The following NTNG1 variants were observed in gnomAD, a reference collection of about 807,000 sequenced individuals.
NTNG1 encodes netrin G1, also known as netrin-G1.
In NTNG1, 16 loss-of-function variants were observed where a neutral mutation model predicts 54.0. The observed-to-expected ratio is 0.30, with a 90% confidence interval of 0.20 to 0.45. The LOEUF (loss-of-function observed/expected upper bound fraction) is 0.45. NTNG1 is among the 20% of genes least tolerant of loss of function. NTNG1 has a pLI of 1.00. For synonymous variants in NTNG1, 255 were observed against 263.1 expected (o/e 0.97, Z 0.30); for missense variants, 530 against 678.7 (o/e 0.78, Z 2.43).
At chr1:107,223,158 A>C (rs1302543232) in intron 2 of NTNG1, among the ~76,000 whole-genome samples, 1 of 152,096 alleles carries the variant, frequency 6.6e-6, no homozygotes, top group Non-Finnish European at 1.5e-5. Flanking sequence ...ACTTTGAACA[A>C]ACTATTTATT....
intron 2 of NTNG1, among the ~76,000 whole-genome samples, chr1:107,213,462 G>A (rs905771945): frequency 6.6e-5 from 10 of 152,102 alleles, no homozygotes; most frequent in East Asian, 1.9e-4. Context: ...AGGCTGCTCC[G>A]CAAGCCTTAG....
chr1:107,281,369 A>G (rs1386683604), intron 2 of NTNG1, among the ~76,000 whole-genome samples: 1 of 152,034 alleles, frequency 6.6e-6, no homozygotes, highest in Non-Finnish European at 1.5e-5. Context: ...TTTTTCAGAA[A>G]AATAATATGA....
chr1:107,150,468 G>C (rs953969818), intron 2 of NTNG1, among the ~76,000 whole-genome samples: 1 of 152,160 alleles, frequency 6.6e-6, no homozygotes, highest in African/African-American at 2.4e-5. Context: ...AGCAGAGGAT[G>C]AGTTCCAGGC....
chr1:107,337,807 C>T (rs148589016), intron 3 of NTNG1, among the ~76,000 whole-genome samples: 226 of 151,996 alleles, frequency 1.5e-3, no homozygotes, highest in African/African-American at 4.9e-3. Flanking sequence ...CAACAGGTTT[C>T]GAAGTTTGTA....
intron 2 of NTNG1, among the ~76,000 whole-genome samples, chr1:107,219,492 G>T (rs1343602949): frequency 1.3e-5 from 2 of 152,262 alleles, no homozygotes; most frequent in African/African-American, 4.8e-5. Flanking sequence ...AAAGAATCTT[G>T]TTTTGTCATG....
At chr1:107,443,332 C>T (rs1433192178) in intron 7 of NTNG1, among the ~76,000 whole-genome samples, 1 of 152,108 alleles carries the variant, frequency 6.6e-6, no homozygotes, top group African/African-American at 2.4e-5. Flanking sequence ...TAAATAACTC[C>T]TTTTATTCTA....
chr1:107,261,868 C>T (rs1288538838), intron 2 of NTNG1, among the ~76,000 whole-genome samples: 1 of 151,996 alleles, frequency 6.6e-6, no homozygotes, highest in African/African-American at 2.4e-5. Context: ...ACAAAAAAAA[C>T]GATAACAACT....
At position 107,413,152 on chromosome 1, in the gene NTNG1, GTTCATTTTTTTT is replaced by G. The variant is rs1673947076; in HGVS notation, c.1087+5460_1087+5471del. Reference sequence around the variant, plus strand: ...TCTTTTCTGTTTTTTGTTTTGTTTTGTTCATTTTTTTTTTCATTTTTTTTTTCTGAGATGGAG... The same window carrying G: ...TCTTTTCTGTTTTTTGTTTTGTTTTGTTCATTTTTTTTTTCTGAGATGGAG... On this transcript the variant is annotated intron_variant, in intron 5 of 7. Transcript: ENST00000370068. Among the ~76,000 whole-genome samples, 3 of 97,162 alleles carry G rather than the reference GTTCATTTTTTTT, an allele frequency of 3.1e-5. No individual in the cohort carries two copies. The Admixed American group carries it at 4.5e-4, about 15-fold the overall frequency. The allele number at this position is 97,162 out of a possible 152,430, so 63.7% of individuals were successfully genotyped here. A position where few individuals can be genotyped will look rare whatever the true frequency, so the allele number is the denominator to read the frequency against.
chr1:107,203,512 T>C (rs1160665731), intron 2 of NTNG1, among the ~76,000 whole-genome samples: 19 of 151,452 alleles, frequency 1.3e-4, no homozygotes, highest in Admixed American at 1.1e-3. Flanking sequence ...GGGAAGTTTA[T>C]ATATATGAAT....
chr1:107,171,886 A>AT (rs906265813), intron 2 of NTNG1, among the ~76,000 whole-genome samples: 41 of 67,706 alleles, frequency 6.1e-4, no homozygotes, highest in African/African-American at 1.6e-3. Context: ...AACAGCCTGG[A>AT]TTTTTTCCCC....
In NTNG1 at chr1:107,359,819, GA is replaced by G. The variant is rs80162142; in HGVS notation, c.887+34905del. Among the ~76,000 whole-genome samples the G allele has an allele frequency of 4.0e-5, 6 of 151,418 alleles. No individual in the cohort carries two copies. In the South Asian group the frequency reaches 8.4e-4, roughly 21 times the overall value. On this transcript the variant is annotated intron_variant, in intron 3 of 7. Coordinates refer to ENST00000370068, the MANE Select transcript of NTNG1 (RefSeq NM_001113226.3). ...GAAAAAATACTAAGTGTGATAAGAT[GA>G]AAAAAAAGGAAAAGAGAGAAGTGGA...
intron 2 of NTNG1, among the ~76,000 whole-genome samples, chr1:107,288,766 G>A (rs952676286): frequency 6.6e-6 from 1 of 152,096 alleles, no homozygotes; most frequent in Admixed American, 6.6e-5. Context: ...GTCAAGAAAT[G>A]TTTATATTTT....
intron 3 of NTNG1, among the ~76,000 whole-genome samples, chr1:107,343,866 G>A (rs1332659107): frequency 6.6e-6 from 1 of 152,132 alleles, no homozygotes; most frequent in Non-Finnish European, 1.5e-5. Flanking sequence ...AGTTTCCAAA[G>A]GGGGCTGCTG....
chr1:107,312,781 A>G (rs556080208), intron 2 of NTNG1, among the ~76,000 whole-genome samples: 1 of 152,150 alleles, frequency 6.6e-6, no homozygotes, highest in Non-Finnish European at 1.5e-5. Context: ...ATAGTAATAT[A>G]CTACTGCTTG....
At chr1:107,290,254 AATTCATTGAG>A (rs1665495400) in intron 2 of NTNG1, among the ~76,000 whole-genome samples, 1 of 152,194 alleles carries the variant, frequency 6.6e-6, no homozygotes, top group African/African-American at 2.4e-5. Flanking sequence ...ATTATCTCAC[AATTCATTGAG>A]TGTTTTAACT....
chr1:107,318,999 T>G (rs1182133803), intron 2 of NTNG1, among the ~76,000 whole-genome samples: 1 of 152,142 alleles, frequency 6.6e-6, no homozygotes, highest in Non-Finnish European at 1.5e-5. Context: ...ATGTTTGTGG[T>G]GCTGATCTTT....
At position 107,324,882 on chromosome 1, in the gene NTNG1, C is replaced by A; in HGVS notation, c.847C>A (p.Arg283Ser). ...ATTTGTAGATGAGCTACACTTGGCA[C>A]GCTACTTTTACGCGATCTCAGACAT... ...EIFVDELHLA[R>S]YFYAISDIKV... The change falls in exon 3 of 8, where the codon CGC becomes AGC. Residue 283 changes from arginine (R) to serine (S), a missense_variant. Around this residue, in one of 2 missense-constraint regions of NTNG1, gnomAD observed 318 missense variants for 465.1 expected, o/e 0.68. Coordinates refer to ENST00000370068, the MANE Select transcript of NTNG1 (RefSeq NM_001113226.3). 1 of 1,612,946 alleles carries A rather than the reference C, an allele frequency of 6.2e-7. No homozygotes were observed. Among genetic ancestry groups the A allele is most frequent in the Non-Finnish European group, 8.5e-7 (1 of 1,179,346 alleles).
intron 2 of NTNG1, among the ~76,000 whole-genome samples, chr1:107,152,285 A>G (rs571581343): frequency 2.2e-4 from 34 of 152,282 alleles, no homozygotes; most frequent in African/African-American, 6.7e-4. Flanking sequence ...TTTCAGCCAC[A>G]TTGAAAGCTT....
At chr1:107,251,485 C>A (rs1662603294) in intron 2 of NTNG1, among the ~76,000 whole-genome samples, 1 of 152,126 alleles carries the variant, frequency 6.6e-6, no homozygotes, top group Non-Finnish European at 1.5e-5. Flanking sequence ...ACCTCTCAGC[C>A]ACTCCTTCAC....
Sources: gnomAD v4.1 joint callset for allele counts (sites outside exome capture counted in the v4.1 genomes callset) on GRCh38, gnomAD v4.1.1 for gene constraint, gnomAD v4.1.1 regional missense constraint, MANE v1.5 for transcripts, NCBI Gene and HGNC (gene_info 2026-07-23, HGNC 2026-07-21) for gene names.